The following OTOP1 variants were observed in gnomAD, a reference collection of about 807,000 sequenced individuals.
OTOP1 encodes the protein otopetrin 1, also known as proton channel OTOP1.
In OTOP1, 59 loss-of-function variants were observed where a neutral mutation model predicts 52.9. That is an observed-to-expected ratio of 1.12 (90% CI 0.91 to 1.39). The LOEUF (loss-of-function observed/expected upper bound fraction) is 1.39, where lower values mean the gene tolerates loss of function less well. OTOP1 is among the 40% of genes most tolerant of loss of function. The pLI is 0.00. For synonymous variants in OTOP1, 317 were observed against 337.7 expected, an observed-to-expected ratio of 0.94 and a Z score of 0.67; for missense variants, 761 against 800.9, an observed-to-expected ratio of 0.95 and a Z score of 0.60.
Position 4,226,927 on chromosome 4 carries a change from C to G in OTOP1, c.-63G>C. 1 of 1,289,456 alleles carries G rather than the reference C, an allele frequency of 7.8e-7. No homozygotes were observed. Among genetic ancestry groups the G allele is most frequent in the Non-Finnish European group, 9.8e-7 (1 of 1,021,468 alleles). 79.9% of individuals were successfully genotyped at this position (1,289,456 alleles called of 1,614,324 possible). On this transcript the variant is annotated 5_prime_UTR_variant, in exon 1 of 6. Coordinates refer to ENST00000296358, the MANE Select transcript of OTOP1 (RefSeq NM_177998.3). ...GCTGCCGTCGGGCCCCGCCTGCGCTCCTGGCTCCTGTCCTTGCCCCGACGC... is the reference window on the plus strand; with the variant it reads ...GCTGCCGTCGGGCCCCGCCTGCGCTGCTGGCTCCTGTCCTTGCCCCGACGC...
chr4:4,196,294 G>A (rs1019992150), intron 5 of OTOP1, among the ~76,000 whole-genome samples: 9 of 152,146 alleles, frequency 5.9e-5, no homozygotes, highest in Non-Finnish European at 5.9e-5. Flanking sequence ...GCTCACACCT[G>A]TAATCCTAGC....
At chr4:4,220,650 T>C (rs150564520) in intron 1 of OTOP1, among the ~76,000 whole-genome samples, 2 of 152,300 alleles carry the variant, frequency 1.3e-5, no homozygotes, top group East Asian at 3.9e-4. Flanking sequence ...ACCTAGAAAG[T>C]TCTATAAGAG....
At chr4:4,208,644 T>C (rs1716960514) in intron 2 of OTOP1, among the ~76,000 whole-genome samples, 1 of 152,040 alleles carries the variant, frequency 6.6e-6, no homozygotes, top group Non-Finnish European at 1.5e-5. Flanking sequence ...AGAGAGTTGT[T>C]TAGTGGGCTC....
chr4:4,199,241 A>AGTGTGTGTGTGT (rs1716723569), intron 4 of OTOP1, among the ~76,000 whole-genome samples: 1 of 60,676 alleles, frequency 1.6e-5, no homozygotes, highest in Non-Finnish European at 3.6e-5. Context: ...TGTGAGAGAG[A>AGTGTGTGTGTGT]GAGAGAGAGA....
chr4:4,226,740 G>C lies in OTOP1; in HGVS notation c.125C>G (p.Pro42Arg). ...SSSAPRSPESPAPRRGGVRAS... is the reference protein window; with the variant it reads ...SSSAPRSPESRAPRRGGVRAS... Reference sequence around the variant, plus strand: ...GCGCACACCGCCCCGCCGGGGGGCCGGGGATTCCGGGGACCTCGGGGCCGA... The same window carrying C: ...GCGCACACCGCCCCGCCGGGGGGCCCGGGATTCCGGGGACCTCGGGGCCGA... Residue 42 changes from proline to arginine, a missense_variant, in exon 1 of 6, where the codon CCG becomes CGG. Physicochemically the swap from Pro to Arg is moderately radical, Grantham distance 103 (BLOSUM62 -2). Around this residue, in one of 3 missense-constraint regions of OTOP1, gnomAD observed 73 missense variants for 75.7 expected, o/e 0.96. Transcript: ENST00000296358. The C allele has an allele frequency of 7.2e-7, 1 of 1,393,356 alleles. No homozygotes were observed. The highest frequency in any genetic ancestry group is 1.6e-5 in the South Asian group (1 of 62,118). 86.3% of individuals were successfully genotyped at this position (1,393,356 alleles called of 1,614,324 possible).
intron 5 of OTOP1, among the ~76,000 whole-genome samples, chr4:4,192,234 G>A (rs755646196): frequency 7.4e-4 from 113 of 152,246 alleles, no homozygotes; most frequent in Admixed American, 2.0e-3. Flanking sequence ...ACCCTGAGAC[G>A]TCATGCTGGA....
At position 4,197,294 on chromosome 4, in the gene OTOP1, C is replaced by T. The variant is rs751957971; in HGVS notation, c.1540G>A (p.Glu514Lys). The T allele has an allele frequency of 6.2e-6, 10 of 1,614,134 alleles. No homozygotes were observed. The Admixed American group carries it at 1.5e-4, about 24-fold the overall frequency. ...CMRESHDKEE[E>K]KQEESSWGGS... is the part of the protein sequence containing the mutation. ...CCCCAGCTGCTCTCCTCCTGCTTCT[C>T]CTCCTCCTTGTCATGGCTTTCTCTC... The change falls in exon 5 of 6, where the codon GAG (glutamate) becomes AAG (lysine). Residue 514 changes from glutamate (E) to lysine (K), a missense_variant. Around this residue, in one of 3 missense-constraint regions of OTOP1, gnomAD observed 632 missense variants for 619.5 expected, o/e 1.02. Transcript: ENST00000296358.
rs774488358 is a variant in OTOP1 at position 4,213,005 on chromosome 4, C to T, written c.404-1G>A. Reference sequence around the variant, plus strand: ...ATGACTGCAAACAATGTGATACTACCTAAATGTGGGATGAAGGGGGAAGTG... The same window carrying T: ...ATGACTGCAAACAATGTGATACTACTTAAATGTGGGATGAAGGGGGAAGTG... On this transcript the variant is annotated splice_acceptor_variant, in intron 1 of 5. Coordinates refer to ENST00000296358, the MANE Select transcript of OTOP1 (RefSeq NM_177998.3). LOFTEE classifies it high-confidence loss of function. The T allele has an allele frequency of 1.1e-5, 17 of 1,613,250 alleles. No individual in the cohort carries two copies. In the Admixed American group the frequency reaches 2.8e-4, roughly 27 times the overall value.
rs763608093 is a variant in OTOP1 at position 4,212,356 on chromosome 4, C to T, written c.540+512G>A. On this transcript the variant is annotated intron_variant, in intron 2 of 5. Transcript: ENST00000296358. ...TTTCTAAAAGATTTTAATCCCCAAA[C>T]GAGAAAACAAAAGTGTTTCCATGAC... Among the ~76,000 whole-genome samples the T allele has an allele frequency of 9.9e-5, 15 of 152,240 alleles. No individual in the cohort carries two copies. The East Asian group carries it at 1.2e-3, about 12-fold the overall frequency.
chr4:4,198,101 A>C lies in OTOP1; in HGVS notation c.733T>G (p.Leu245Val). The C allele has an allele frequency of 6.2e-7, 1 of 1,609,862 alleles. No homozygotes were observed. The highest frequency in any genetic ancestry group is 8.5e-7 in the Non-Finnish European group (1 of 1,176,258). Reference protein sequence around the residue: ...TLGFGNITTVLDDHTPQCNCT... With the variant: ...TLGFGNITTVVDDHTPQCNCT... ...TTACACTGCGGTGTGTGGTCATCTA[A>C]AACTAGGGGAGACAGGTAGATCACA... Residue 245 changes from leucine to valine, a missense_variant and splice_region_variant, in exon 5 of 6, where the codon TTA becomes GTA. Transcript: ENST00000296358.
chr4:4,216,185 G>A (rs958166428), intron 1 of OTOP1, among the ~76,000 whole-genome samples: 1 of 152,140 alleles, frequency 6.6e-6, no homozygotes, highest in African/African-American at 2.4e-5. Flanking sequence ...CTGAAGAAAG[G>A]AAGCAATCTT....
rs1254112040 is a variant in OTOP1, at chr4:4,226,558, G to T, written c.307C>A (p.Gln103Lys). 1.9e-6 allele frequency: 3 copies of T among 1,604,444 alleles called. No individual in the cohort carries two copies. The highest frequency in any genetic ancestry group is 2.5e-6 in the Non-Finnish European group (3 of 1,178,476). Reference sequence around the variant, plus strand: ...ACGTACCACAGCATCCACAGCAGCTGCAGCAGCATGAGCGCCGTCAGGAAG... The same window carrying T: ...ACGTACCACAGCATCCACAGCAGCTTCAGCAGCATGAGCGCCGTCAGGAAG... The part of the protein sequence containing the change: ...LCFLTALMLL[Q>K]LLWMLWYVGR... The change falls in exon 1 of 6, where the codon CAG becomes AAG. Residue 103 changes from glutamine to lysine, a missense_variant. Gln to Lys is a moderately conservative substitution (Grantham distance 53). Around this residue, in one of 3 missense-constraint regions of OTOP1, gnomAD observed 56 missense variants for 105.6 expected, o/e 0.53. Coordinates refer to ENST00000296358, the MANE Select transcript of OTOP1 (RefSeq NM_177998.3).
chr4:4,197,066 G>T, intron 5 of OTOP1, 100 bp downstream of exon 5: 2 of 1,245,390 alleles, frequency 1.6e-6, no homozygotes, highest in Admixed American at 2.3e-5. Context: ...TCAGCAACAC[G>T]CAATTTACCC....
At chr4:4,223,035 A>C (rs1275389925) in intron 1 of OTOP1, among the ~76,000 whole-genome samples, 1 of 152,212 alleles carries the variant, frequency 6.6e-6, no homozygotes, top group Non-Finnish European at 1.5e-5. Flanking sequence ...TGAGACCTCA[A>C]GCCAAACCTT....
intron 1 of OTOP1, among the ~76,000 whole-genome samples, chr4:4,220,092 TATATA>T (rs1717264135): frequency 2.0e-5 from 2 of 101,630 alleles, no homozygotes; most frequent in African/African-American, 9.2e-5. Flanking sequence ...TATATATATA[TATATA>T]TATATATATT....
At position 4,190,311 on chromosome 4, in the gene OTOP1, A is replaced by G. The variant is rs542137897; in HGVS notation, c.1669-1338T>C. Among the ~76,000 whole-genome samples the G allele has an allele frequency of 5.3e-5, 8 of 152,288 alleles. No homozygotes were observed. The East Asian group carries it at 1.2e-3, about 22-fold the overall frequency. On this transcript the variant is annotated intron_variant, in intron 5 of 5. Coordinates refer to ENST00000296358, the MANE Select transcript of OTOP1 (RefSeq NM_177998.3). ...AACATGGTGAAACCCCATCTCTACT[A>G]AAAATACAAAAAATTAGCCAGGTAT... is the stretch of plus-strand genomic sequence containing the variant.
intron 1 of OTOP1, among the ~76,000 whole-genome samples, chr4:4,213,905 C>T (rs1358199392): frequency 6.6e-6 from 1 of 152,084 alleles, no homozygotes; most frequent in South Asian, 2.1e-4. Flanking sequence ...GCCCAGCCAA[C>T]GTGGTGAAAC....
chr4:4,223,629 G>T (rs1717353942), intron 1 of OTOP1, among the ~76,000 whole-genome samples: 1 of 152,182 alleles, frequency 6.6e-6, no homozygotes, highest in South Asian at 2.1e-4. Flanking sequence ...GCCGGGCGTG[G>T]TGGCCCATGC....
chr4:4,206,011 T>C, intron 3 of OTOP1, 61 bp downstream of exon 3: 1 of 1,438,384 alleles, frequency 7.0e-7, no homozygotes. Flanking sequence ...CAGTGATGAG[T>C]TTTGAAAATT....
Sources: allele counts gnomAD v4.1 joint callset (sites outside exome capture counted in the v4.1 genomes callset), GRCh38; gene constraint gnomAD v4.1.1; regional missense constraint gnomAD v4.1.1; transcripts MANE v1.5; gene names NCBI Gene and HGNC (gene_info 2026-07-23, HGNC 2026-07-21).